RAB8B: variants seen among roughly 807,000 people sequenced by gnomAD.
RAB8B encodes ras-related protein Rab-8B.
A neutral mutation model predicts 32.0 loss-of-function variants in RAB8B; 11 were observed. The observed-to-expected ratio is 0.34, with a 90% CI of 0.22 to 0.57. RAB8B has a LOEUF of 0.57. Ranked by LOEUF, RAB8B falls within the 20% of genes least tolerant of loss-of-function variation. The pLI is 0.86. For synonymous variants in RAB8B, 103 were observed against 89.6 expected, an observed-to-expected ratio of 1.15 and a Z score of -0.85; for missense variants, 190 against 258.5, an observed-to-expected ratio of 0.73 and a Z score of 1.82.
chr15:63,191,002 A>G (rs1305870853), intron 1 of RAB8B, among the ~76,000 whole-genome samples: 1 of 152,242 alleles, frequency 6.6e-6, no homozygotes, highest in Admixed American at 6.5e-5. Flanking sequence ...CTCTTAACTT[A>G]TCATAAACTG....
chr15:63,256,699 C>T (rs78639913), intron 5 of RAB8B, 105 bp downstream of exon 5: 9,065 of 829,046 alleles, frequency 0.011, 66 homozygotes, highest in Non-Finnish European at 0.014. Flanking sequence ...GTGTTTTAAT[C>T]CCTTTAAATT....
At chr15:63,189,885 G>A in intron 1 of RAB8B, 137 bp downstream of exon 1, 1 of 1,208,256 alleles carries the variant, frequency 8.3e-7, no homozygotes. Flanking sequence ...GCACTGAGAG[G>A]GGCGAGGGCG....
chr15:63,258,271 T>G (rs2038174649), intron 5 of RAB8B, among the ~76,000 whole-genome samples: 1 of 151,832 alleles, frequency 6.6e-6, no homozygotes, highest in African/African-American at 2.4e-5. Flanking sequence ...CAGGCTAATT[T>G]TTGTATTTTT....
intron 2 of RAB8B, among the ~76,000 whole-genome samples, chr15:63,246,021 C>G (rs77489319): frequency 6.6e-6 from 1 of 152,014 alleles, no homozygotes; most frequent in Non-Finnish European, 1.5e-5. Flanking sequence ...TACAGGCATG[C>G]GCTACCACGC....
At chr15:63,240,808 A>C (rs78957059) in intron 1 of RAB8B, among the ~76,000 whole-genome samples, 2 of 60,924 alleles carry the variant, frequency 3.3e-5, no homozygotes, top group Non-Finnish European at 1.1e-4. Flanking sequence ...GTTCCTAACA[A>C]AAAAAAAAAA....
intron 1 of RAB8B, among the ~76,000 whole-genome samples, chr15:63,226,835 C>T (rs1567014614): frequency 6.6e-6 from 1 of 152,104 alleles, no homozygotes; most frequent in Non-Finnish European, 1.5e-5. Flanking sequence ...ATGGCTACTC[C>T]ATAGACAGAG....
chr15:63,222,564 G>T (rs1479030834), intron 1 of RAB8B, among the ~76,000 whole-genome samples: 1 of 152,204 alleles, frequency 6.6e-6, no homozygotes, highest in African/African-American at 2.4e-5. Context: ...TTGAGACGGA[G>T]TCTCACTCTG....
At chr15:63,196,767 G>GTTAC (rs1208623842) in intron 1 of RAB8B, among the ~76,000 whole-genome samples, 3 of 152,306 alleles carry the variant, frequency 2.0e-5, no homozygotes, top group Middle Eastern at 6.8e-3. Flanking sequence ...ACACAGGAAT[G>GTTAC]TTACTTCCCC....
At chr15:63,230,549 G>A (rs1211602453) in intron 1 of RAB8B, among the ~76,000 whole-genome samples, 5 of 152,158 alleles carry the variant, frequency 3.3e-5, no homozygotes, top group Admixed American at 1.3e-4. Flanking sequence ...TGATCCGCCC[G>A]CCTGGACTTC....
intron 1 of RAB8B, among the ~76,000 whole-genome samples, chr15:63,194,993 A>G (rs369236962): frequency 6.6e-6 from 1 of 152,194 alleles, no homozygotes; most frequent in Admixed American, 6.5e-5. Flanking sequence ...TGACTGAAAA[A>G]CAAACTTTGT....
At chr15:63,249,813 A>T in intron 3 of RAB8B, 108 bp downstream of exon 3, 1 of 1,190,706 alleles carries the variant, frequency 8.4e-7, no homozygotes, top group Non-Finnish European at 1.2e-6. Flanking sequence ...AGAAAAATAA[A>T]TTTTCTGATG....
At chr15:63,222,614 T>A (rs1046368075) in intron 1 of RAB8B, among the ~76,000 whole-genome samples, 9 of 152,226 alleles carry the variant, frequency 5.9e-5, no homozygotes, top group African/African-American at 2.2e-4. Context: ...CTTGGCTCAC[T>A]GCAACCTCCG....
chr15:63,232,637 T>A (rs926500469), intron 1 of RAB8B, among the ~76,000 whole-genome samples: 27 of 152,374 alleles, frequency 1.8e-4, no homozygotes, highest in Admixed American at 1.3e-4. Flanking sequence ...CACTTCCTAT[T>A]CATAGGATGG....
chr15:63,206,634 C>T (rs2037700397), intron 1 of RAB8B, among the ~76,000 whole-genome samples: 1 of 152,066 alleles, frequency 6.6e-6, no homozygotes, highest in Non-Finnish European at 1.5e-5. Flanking sequence ...CCCTCCTCTC[C>T]TCCGTCATCT....
intron 1 of RAB8B, among the ~76,000 whole-genome samples, chr15:63,236,130 A>C (rs11853808): frequency 6.6e-6 from 1 of 152,164 alleles, no homozygotes. Flanking sequence ...TGATCTCTAA[A>C]GTACTTCTCA....
Position 63,259,542 on chromosome 15 carries a change from A to T in RAB8B, c.415-85A>T. ...TTCTGAAATAGATACCCTACCTTTG[A>T]GACTTTGAAAAACCTAAGAAATACA... On this transcript the variant is annotated intron_variant, in intron 5 of 7. Transcript: ENST00000321437. The surrounding 1 kb of genome is among the most constrained non-coding windows in gnomAD (Gnocchi z 4.4). 1 of 1,207,004 alleles carries T rather than the reference A, an allele frequency of 8.3e-7. No individual in the cohort carries two copies. Among genetic ancestry groups the T allele is most frequent in the Non-Finnish European group, 1.2e-6 (1 of 832,714 alleles). 74.8% of individuals were successfully genotyped at this position (1,207,004 alleles called of 1,614,324 possible). A position where few individuals can be genotyped will look rare whatever the true frequency, so the allele number is the denominator to read the frequency against.
chr15:63,202,716 G>A (rs1180703034), intron 1 of RAB8B, among the ~76,000 whole-genome samples: 3 of 152,278 alleles, frequency 2.0e-5, no homozygotes, highest in Admixed American at 2.0e-4. Flanking sequence ...TAAACTTCAT[G>A]TCAGCCTGTC....
In RAB8B at chr15:63,194,415, A is replaced by G. The variant is rs531208868; in HGVS notation, c.124+4667A>G. On this transcript the variant is annotated intron_variant, in intron 1 of 7. Coordinates refer to ENST00000321437, the MANE Select transcript of RAB8B (RefSeq NM_016530.3). ...ACGCCTTTATGTGAGGAAAGTTAAG[A>G]CATTTCTGTTTTGATTAGCCGAGTC... is the stretch of plus-strand genomic sequence containing the variant. Among the ~76,000 whole-genome samples, 6 of 152,300 alleles carry G rather than the reference A, an allele frequency of 3.9e-5. No homozygotes were observed. In the South Asian group the frequency reaches 1.2e-3, roughly 32 times the overall value.
intron 3 of RAB8B, among the ~76,000 whole-genome samples, chr15:63,252,771 G>A (rs529886856): frequency 2.1e-5 from 3 of 145,036 alleles, no homozygotes; most frequent in South Asian, 2.1e-4. Context: ...TTTTTGAGAC[G>A]GAGTTTCACT....
Sources: gnomAD v4.1 joint callset for allele counts (sites outside exome capture counted in the v4.1 genomes callset) on GRCh38, gnomAD v4.1.1 for gene constraint, Gnocchi (gnomAD v3.1) non-coding constraint, MANE v1.5 for transcripts, NCBI Gene and HGNC (gene_info 2026-07-23, HGNC 2026-07-21) for gene names.